Variants in PACRG observed in about 807,000 individuals in gnomAD.
The protein encoded by PACRG is parkin coregulated.
A neutral mutation model predicts 29.7 loss-of-function variants in PACRG; 29 were observed. The observed-to-expected ratio is 0.98, with a 90% CI of 0.73 to 1.33. The LOEUF is 1.33. Ranked by LOEUF, PACRG falls within the 40% of genes most tolerant of loss-of-function variation. The probability of loss-of-function intolerance (pLI) is 0.00; values close to 1 mark genes in which losing one functional copy is unlikely to be tolerated. For synonymous variants in PACRG, 116 were observed against 118.7 expected, an observed-to-expected ratio of 0.98 and a Z score of 0.15; for missense variants, 279 against 316.2, an observed-to-expected ratio of 0.88 and a Z score of 0.89.
At chr6:163,074,388 T>C (rs1178004448) in intron 3 of PACRG, among the ~76,000 whole-genome samples, 1 of 152,108 alleles carries the variant, frequency 6.6e-6, no homozygotes, top group Non-Finnish European at 1.5e-5. Context: ...ATTTAACTCA[T>C]GGAGATAGAG....
intron 1 of PACRG, 76 bp downstream of exon 1, chr6:162,728,467 A>G: frequency 6.5e-7 from 1 of 1,539,260 alleles, no homozygotes; most frequent in Non-Finnish European, 8.8e-7. Flanking sequence ...GGCCAGCCTT[A>G]GGATGGACTC....
At chr6:162,766,448 A>AG in intron 1 of PACRG, among the ~76,000 whole-genome samples, 1 of 152,202 alleles carries the variant, frequency 6.6e-6, no homozygotes, top group East Asian at 1.9e-4. Context: ...ACATTTAAAA[A>AG]AATCTATTGA....
intron 2 of PACRG, among the ~76,000 whole-genome samples, chr6:162,922,531 T>C (rs1348043613): frequency 6.6e-6 from 1 of 152,012 alleles, no homozygotes; most frequent in Non-Finnish European, 1.5e-5. Context: ...TAGCTATAAT[T>C]TGGTATCCCT....
chr6:163,149,628 G>A (rs1400163969), intron 4 of PACRG, among the ~76,000 whole-genome samples: 2 of 151,758 alleles, frequency 1.3e-5, no homozygotes, highest in African/African-American at 4.8e-5. Context: ...TCCCTCCCCC[G>A]GGCTGCGGGT....
chr6:162,844,247 G>T (rs552706196), intron 2 of PACRG, among the ~76,000 whole-genome samples: 8 of 152,076 alleles, frequency 5.3e-5, no homozygotes, highest in African/African-American at 1.9e-4. Flanking sequence ...AGCAACCAGC[G>T]AGACTCCGTG....
chr6:162,727,969 C>A, upstream of PACRG: 6 of 601,174 alleles, frequency 1.0e-5, no homozygotes. Flanking sequence ...CCGTGTTGAC[C>A]AGTCGCTTAG....
At chr6:163,067,782 C>G (rs896466530) in intron 3 of PACRG, among the ~76,000 whole-genome samples, 1 of 152,186 alleles carries the variant, frequency 6.6e-6, no homozygotes, top group Non-Finnish European at 1.5e-5. Flanking sequence ...CACAAACATA[C>G]CTTCTTCCCC....
At chr6:162,732,971 A>C (rs2128249993) in intron 1 of PACRG, among the ~76,000 whole-genome samples, 1 of 152,256 alleles carries the variant, frequency 6.6e-6, no homozygotes, top group East Asian at 1.9e-4. Context: ...AAGGAAATAA[A>C]CTCATATTCT....
chr6:162,935,877 A>AC (rs1335141586), intron 2 of PACRG, among the ~76,000 whole-genome samples: 1 of 152,200 alleles, frequency 6.6e-6, no homozygotes, highest in African/African-American at 2.4e-5. Flanking sequence ...TTCAAGTTCA[A>AC]AGACTACTGG....
At chr6:163,144,795 A>G (rs1777729781) in intron 4 of PACRG, among the ~76,000 whole-genome samples, 1 of 152,180 alleles carries the variant, frequency 6.6e-6, no homozygotes, top group South Asian at 2.1e-4. Flanking sequence ...AAGCACAGAT[A>G]TAAGCATTTT....
intron 2 of PACRG, among the ~76,000 whole-genome samples, chr6:162,928,807 TTTC>T (rs1797638061): frequency 6.6e-6 from 1 of 151,832 alleles, no homozygotes; most frequent in African/African-American, 2.4e-5. Flanking sequence ...ACCAATTTGT[TTTC>T]TTCTTAATAA....
intron 2 of PACRG, among the ~76,000 whole-genome samples, chr6:163,046,028 A>G (rs1809329073): frequency 6.6e-6 from 1 of 152,026 alleles, no homozygotes; most frequent in South Asian, 2.1e-4. Context: ...ATTTCCCTTG[A>G]TGCCTAAAGT....
chr6:162,727,719 G>A (rs985766495), upstream of PACRG: 34 of 1,547,572 alleles, frequency 2.2e-5, no homozygotes, highest in Admixed American at 5.8e-5. Flanking sequence ...CATGCGCGCA[G>A]CGGCGCCAGC....
At chr6:163,022,396 T>C (rs997137245) in intron 2 of PACRG, among the ~76,000 whole-genome samples, 3 of 152,208 alleles carry the variant, frequency 2.0e-5, no homozygotes, top group African/African-American at 2.4e-5. Context: ...AAATGTGTGC[T>C]TCTCTTACTG....
At chr6:163,122,716 C>T (rs484243) in intron 4 of PACRG, among the ~76,000 whole-genome samples, 81,971 of 151,746 alleles carry the variant, frequency 0.54, 22,279 homozygotes, top group East Asian at 0.63. Flanking sequence ...TTACCCAACC[C>T]CAGGTATTAT....
intron 2 of PACRG, among the ~76,000 whole-genome samples, chr6:162,934,863 T>A (rs1345001907): frequency 6.6e-6 from 1 of 152,218 alleles, no homozygotes; most frequent in Non-Finnish European, 1.5e-5. Flanking sequence ...CTTGTAGCAC[T>A]AGTCTAGTGG....
intron 2 of PACRG, chr6:163,043,024 A>T (rs1481264048): frequency 6.6e-6 from 1 of 152,196 alleles, no homozygotes; most frequent in East Asian, 1.9e-4. Flanking sequence ...CCCAAAAAGA[A>T]GGTGTCACTT....
At chr6:163,145,716 G>A (rs1453268374) in intron 4 of PACRG, among the ~76,000 whole-genome samples, 7 of 152,218 alleles carry the variant, frequency 4.6e-5, no homozygotes, top group African/African-American at 1.4e-4. Context: ...CCTCTGAACC[G>A]ACTGGGATGA....
Position 162,953,896 on chromosome 6 carries a change from T to C in PACRG, c.292-108254T>C, listed in dbSNP as rs75281839. Among the ~76,000 whole-genome samples, 1,002 of 152,278 alleles carry C rather than the reference T, an allele frequency of 6.6e-3. 19 individuals are homozygous for C. Among genetic ancestry groups the C allele is most frequent in the African/African-American group, 0.023 (941 of 41,562 alleles). On this transcript the variant is annotated intron_variant, in intron 2 of 4. Coordinates refer to ENST00000366888, the MANE Select transcript of PACRG (RefSeq NM_001080379.2). ...AAAAGCAGAAATGAAAAATACTATA[T>C]GAACTTATCAATACTGCCTTTTAAA... is the stretch of plus-strand genomic sequence containing the variant.
Sources: allele counts gnomAD v4.1 joint callset (sites outside exome capture counted in the v4.1 genomes callset), GRCh38; gene constraint gnomAD v4.1.1; transcripts MANE v1.5; gene names NCBI Gene and HGNC (gene_info 2026-07-23, HGNC 2026-07-21).